The following PAN3 variants were observed in gnomAD, a reference collection of about 807,000 sequenced individuals.
PAN3 encodes the protein PAN2-PAN3 deadenylation complex subunit PAN3.
A neutral mutation model predicts 96.2 loss-of-function variants in PAN3; 19 were observed. The ratio of observed to expected loss-of-function variants is 0.20; its 90% CI spans 0.14 to 0.29. PAN3 has a LOEUF of 0.29. Among genes scored for constraint, PAN3 ranks in the 10% least tolerant of loss-of-function variants. PAN3 has a pLI of 1.00. For missense variants in PAN3, 882 were observed against 1,108.1 expected, an observed-to-expected ratio of 0.80 and a Z score of 2.90; for synonymous variants, 433 against 406.6, an observed-to-expected ratio of 1.06 and a Z score of -0.78.
intron 4 of PAN3, among the ~76,000 whole-genome samples, chr13:28,194,430 A>G (rs949993596): frequency 2.1e-5 from 3 of 142,942 alleles, no homozygotes; most frequent in Admixed American, 7.0e-5. Flanking sequence ...GTGTGTGTGT[A>G]TATATACATA....
At position 28,138,913 on chromosome 13, in the gene PAN3, G is replaced by A; in HGVS notation, c.256G>A (p.Val86Ile). ...GGGCCTCGGCCTCCATAGCAACAGC[G>A]TCCCCCTGGCTCTGGCTGGTGCACC... is the stretch of plus-strand genomic sequence containing the variant. ...APGLGLHSNSVPLALAGAPVA... is the reference protein window; with the variant it reads ...APGLGLHSNSIPLALAGAPVA... Residue 86 changes from valine (V) to isoleucine (I), a missense_variant, in exon 1 of 19, where the codon GTC becomes ATC. This residue lies in a region of PAN3 where 442 missense variants were observed against 422.8 expected (regional missense o/e 1.05). Coordinates refer to ENST00000380958, the MANE Select transcript of PAN3 (RefSeq NM_175854.8). 1 of 1,378,084 alleles carries A rather than the reference G, an allele frequency of 7.3e-7. No homozygotes were observed. Among genetic ancestry groups the A allele is most frequent in the Non-Finnish European group, 9.4e-7 (1 of 1,069,090 alleles). The allele number at this position is 1,378,084 out of a possible 1,614,324, so 85.4% of individuals were successfully genotyped here.
intron 1 of PAN3, among the ~76,000 whole-genome samples, chr13:28,170,416 A>C (rs1304640529): frequency 6.6e-6 from 1 of 152,160 alleles, no homozygotes; most frequent in Non-Finnish European, 1.5e-5. Context: ...GCTTTCGAGG[A>C]ACTTAAAAAT....
chr13:28,286,509 T>A (rs1043069447), intron 17 of PAN3, among the ~76,000 whole-genome samples: 1 of 152,200 alleles, frequency 6.6e-6, no homozygotes. Flanking sequence ...CTTTGTGGCT[T>A]CAGTTTCTGA....
At chr13:28,249,775 C>T (rs1195312905) in intron 6 of PAN3, among the ~76,000 whole-genome samples, 1 of 152,046 alleles carries the variant, frequency 6.6e-6, no homozygotes, top group Admixed American at 6.6e-5. Context: ...TGACTTTGAG[C>T]CTTCCTGTCC....
chr13:28,284,415 C>A (rs1868713145), intron 17 of PAN3, among the ~76,000 whole-genome samples: 1 of 151,072 alleles, frequency 6.6e-6, no homozygotes. Flanking sequence ...CATTCCCCAC[C>A]CTTGGAGACA....
chr13:28,167,673 CAAAA>C (rs1166063021), intron 1 of PAN3, among the ~76,000 whole-genome samples: 1 of 61,334 alleles, frequency 1.6e-5, no homozygotes, highest in Non-Finnish European at 3.2e-5. Flanking sequence ...CCTGTCTCTA[CAAAA>C]AAAAAAAAAA....
intron 9 of PAN3, among the ~76,000 whole-genome samples, chr13:28,264,246 A>G (rs1885974415): frequency 6.6e-6 from 1 of 152,218 alleles, no homozygotes; most frequent in African/African-American, 2.4e-5. Context: ...AAGATATAAA[A>G]AAGAAAAACG....
chr13:28,261,381 A>G lies in PAN3; in HGVS notation c.1354-20A>G. The stretch of plus-strand genomic sequence containing the variant: ...TCAGAATCTGTGTTTAAATAAAAAT[A>G]TACTTATTTTGTTTCATAGGAGCTG... On this transcript the variant is annotated intron_variant, in intron 8 of 18. Coordinates refer to ENST00000380958, the MANE Select transcript of PAN3 (RefSeq NM_175854.8). The G allele has an allele frequency of 7.2e-7, 1 of 1,380,836 alleles. No homozygotes were observed. Among genetic ancestry groups the G allele is most frequent in the Non-Finnish European group, 9.5e-7 (1 of 1,056,232 alleles). The allele number at this position is 1,380,836 out of a possible 1,614,324, so 85.5% of individuals were successfully genotyped here.
intron 5 of PAN3, among the ~76,000 whole-genome samples, chr13:28,217,387 A>G (rs542100268): frequency 4.0e-4 from 61 of 152,128 alleles, no homozygotes; most frequent in Non-Finnish European, 6.9e-4. Context: ...TTTGAGACCA[A>G]CTTGGCCAAC....
intron 3 of PAN3, among the ~76,000 whole-genome samples, chr13:28,177,496 C>G (rs1875181480): frequency 6.6e-6 from 1 of 152,136 alleles, no homozygotes; most frequent in South Asian, 2.1e-4. Flanking sequence ...ACCCCTCACC[C>G]TCCTTTTTAT....
Position 28,246,900 on chromosome 13 carries a change from C to T in PAN3, c.1001-9392C>T, listed in dbSNP as rs1884245700. ...AATAAACGTGGGAATGTAGATGTCT[C>T]TTCTACATACTGATTTCTTTTCTTT... On this transcript the variant is annotated intron_variant, in intron 6 of 18. Transcript: ENST00000380958. 2.0e-5 allele frequency among the ~76,000 whole-genome samples: 3 copies of T among 152,230 alleles called. No homozygotes were observed. In the East Asian group the frequency reaches 5.8e-4, roughly 29 times the overall value.
rs751962200 is a variant in PAN3, at chr13:28,292,467, G to A, written c.2609G>A (p.Arg870His). ...VLVVTYSDLK[R>H]CFENTFQELI... Reference sequence around the variant, plus strand: ...GTGGTGACCTACAGTGACTTAAAGCGCTGCTTTGAAAATACTTTTCAAGAA... The same window carrying A: ...GTGGTGACCTACAGTGACTTAAAGCACTGCTTTGAAAATACTTTTCAAGAA... The change falls in exon 19 of 19, where the codon CGC (arginine) becomes CAC (histidine). Residue 870 changes from arginine (R) to histidine (H), a missense_variant. Arg to His is a conservative substitution (Grantham distance 29). Transcript: ENST00000380958. The A allele has an allele frequency of 4.3e-6, 7 of 1,612,238 alleles. No homozygotes were observed. The highest frequency in any genetic ancestry group is 2.2e-5 in the South Asian group (2 of 90,658).
intron 6 of PAN3, among the ~76,000 whole-genome samples, chr13:28,255,578 GTGGTTGTTCCACTAGAACATAA>G (rs976580646): frequency 2.0e-5 from 3 of 152,042 alleles, no homozygotes; most frequent in Non-Finnish European, 2.9e-5. Flanking sequence ...CTGGAACATA[GTGGTTGTTCCACTAGAACATAA>G]TGGTATCAAT....
rs985192221 is a variant in PAN3 at position 28,200,761 on chromosome 13, A to G, written c.852+3415A>G. Among the ~76,000 whole-genome samples the G allele has an allele frequency of 7.2e-5, 11 of 152,154 alleles. 1 individual carries two copies. Among genetic ancestry groups the G allele is most frequent in the African/African-American group, 2.4e-4 (10 of 41,440 alleles). ...TGTAGAGGGTAAATTTATTCTTCATATGGCTGTTTGAGATATTGATAAGAC... is the reference window on the plus strand; with the variant it reads ...TGTAGAGGGTAAATTTATTCTTCATGTGGCTGTTTGAGATATTGATAAGAC... On this transcript the variant is annotated intron_variant, in intron 5 of 18. Coordinates refer to ENST00000380958, the MANE Select transcript of PAN3 (RefSeq NM_175854.8).
intron 1 of PAN3, among the ~76,000 whole-genome samples, chr13:28,147,648 C>T (rs996175014): frequency 6.6e-6 from 1 of 152,174 alleles, no homozygotes; most frequent in African/African-American, 2.4e-5. Flanking sequence ...AACTTTGTGA[C>T]ATAGTATGAT....
intron 17 of PAN3, among the ~76,000 whole-genome samples, chr13:28,283,472 A>G (rs943526953): frequency 2.6e-5 from 4 of 152,178 alleles, no homozygotes; most frequent in African/African-American, 9.6e-5. Flanking sequence ...CCCAATATCT[A>G]TTCCCAGTTT....
At chr13:28,182,930 C>A (rs1265829091) in intron 4 of PAN3, among the ~76,000 whole-genome samples, 1 of 152,016 alleles carries the variant, frequency 6.6e-6, no homozygotes, top group Non-Finnish European at 1.5e-5. Context: ...CATTTTTATT[C>A]TAAAGTCTTC....
intron 9 of PAN3, among the ~76,000 whole-genome samples, chr13:28,263,724 C>G (rs188392926): frequency 6.6e-6 from 1 of 152,246 alleles, no homozygotes; most frequent in African/African-American, 2.4e-5. Flanking sequence ...TAAGAACTTA[C>G]ATGTCTAAAA....
chr13:28,192,220 C>A (rs1008228071), intron 4 of PAN3, among the ~76,000 whole-genome samples: 2 of 151,982 alleles, frequency 1.3e-5, no homozygotes, highest in African/African-American at 4.8e-5. Context: ...CAGGCGCCTG[C>A]CACCACACCC....
Sources: allele counts gnomAD v4.1 joint callset (sites outside exome capture counted in the v4.1 genomes callset), GRCh38; gene constraint gnomAD v4.1.1; regional missense constraint gnomAD v4.1.1; transcripts MANE v1.5; gene names NCBI Gene and HGNC (gene_info 2026-07-23, HGNC 2026-07-21).